Variants in MARCHF1 observed in about 807,000 individuals in gnomAD.
MARCHF1 encodes E3 ubiquitin-protein ligase MARCHF1.
In MARCHF1, 40 loss-of-function variants were observed where a neutral mutation model predicts 54.2. The ratio of observed to expected loss-of-function variants is 0.74; its 90% CI spans 0.57 to 0.96. The LOEUF (loss-of-function observed/expected upper bound fraction) is 0.96, where lower values mean the gene tolerates loss of function less well. MARCHF1 is among the 40% of genes least tolerant of loss of function. The pLI is 0.00. For synonymous variants in MARCHF1, 236 were observed against 236.3 expected (o/e 1.00, Z 0.01); for missense variants, 586 against 656.5 (o/e 0.89, Z 1.17).
At chr4:164,177,592 G>A (rs1730722231) in intron 1 of MARCHF1, among the ~76,000 whole-genome samples, 2 of 151,960 alleles carry the variant, frequency 1.3e-5, no homozygotes, top group Non-Finnish European at 2.9e-5. Flanking sequence ...TTTTAATGGA[G>A]AATGCAGACT....
At chr4:164,324,727 C>T (rs554430093) in intron 1 of MARCHF1, among the ~76,000 whole-genome samples, 7 of 151,164 alleles carry the variant, frequency 4.6e-5, no homozygotes, top group Non-Finnish European at 1.0e-4. Flanking sequence ...GCAAGAGCAA[C>T]AAAAATATAA....
At chr4:163,886,751 G>T (rs559721438) in intron 3 of MARCHF1, among the ~76,000 whole-genome samples, 6 of 152,130 alleles carry the variant, frequency 3.9e-5, no homozygotes, top group Non-Finnish European at 8.8e-5. Context: ...TCTTTCAGAA[G>T]CAGAATACCT....
At chr4:164,241,595 T>C (rs1338640263) in intron 1 of MARCHF1, among the ~76,000 whole-genome samples, 2 of 152,156 alleles carry the variant, frequency 1.3e-5, no homozygotes, top group Non-Finnish European at 2.9e-5. Context: ...CAGAGACATA[T>C]ACTATTATAT....
intron 3 of MARCHF1, among the ~76,000 whole-genome samples, chr4:163,978,201 A>G (rs1319852622): frequency 6.6e-6 from 1 of 152,208 alleles, no homozygotes; most frequent in Admixed American, 6.5e-5. Context: ...GGCAAACTTC[A>G]AATACCAATG....
At chr4:163,868,278 T>C (rs555199705) in intron 3 of MARCHF1, among the ~76,000 whole-genome samples, 4 of 151,966 alleles carry the variant, frequency 2.6e-5, no homozygotes, top group Non-Finnish European at 5.9e-5. Context: ...TATGACCCAA[T>C]GATGAATACT....
intron 5 of MARCHF1, among the ~76,000 whole-genome samples, chr4:163,633,295 T>A (rs1325846083): frequency 6.6e-6 from 1 of 152,114 alleles, no homozygotes; most frequent in South Asian, 2.1e-4. Flanking sequence ...ATCAAATTAC[T>A]CTGAGCTATG....
chr4:164,183,510 T>C (rs974005663), intron 1 of MARCHF1, among the ~76,000 whole-genome samples: 1 of 152,232 alleles, frequency 6.6e-6, no homozygotes, highest in East Asian at 1.9e-4. Context: ...CATCAATCTT[T>C]TCTTTCAATT....
intron 2 of MARCHF1, among the ~76,000 whole-genome samples, chr4:164,050,275 CAAAAAAAAAA>C (rs34642436): frequency 2.0e-4 from 8 of 40,194 alleles, no homozygotes; most frequent in South Asian, 3.6e-3. Context: ...ACACTGTCTC[CAAAAAAAAAA>C]AAAAAAAAAA....
At chr4:164,176,265 T>C (rs1167757850) in intron 1 of MARCHF1, among the ~76,000 whole-genome samples, 1 of 152,216 alleles carries the variant, frequency 6.6e-6, no homozygotes, top group East Asian at 1.9e-4. Context: ...GTAATCATTT[T>C]ATACTTGGTC....
chr4:164,062,262 A>G (rs1754634917), intron 2 of MARCHF1, among the ~76,000 whole-genome samples: 1 of 152,082 alleles, frequency 6.6e-6, no homozygotes, highest in Admixed American at 6.6e-5. Flanking sequence ...TAGTACTCTC[A>G]CTATCTCTAC....
At chr4:164,300,670 AG>A (rs1324323391) in intron 1 of MARCHF1, among the ~76,000 whole-genome samples, 16 of 152,154 alleles carry the variant, frequency 1.1e-4, no homozygotes, top group African/African-American at 3.4e-4. Flanking sequence ...CCCTCCGACT[AG>A]CTGGGCCTAC....
chr4:163,804,951 G>T (rs1425808838), intron 4 of MARCHF1, among the ~76,000 whole-genome samples: 1 of 152,108 alleles, frequency 6.6e-6, no homozygotes, highest in Non-Finnish European at 1.5e-5. Flanking sequence ...ATCTCGAAAT[G>T]AGACTACAAT....
chr4:164,023,954 TA>T (rs1387654051), intron 2 of MARCHF1, among the ~76,000 whole-genome samples: 1 of 152,176 alleles, frequency 6.6e-6, no homozygotes, highest in African/African-American at 2.4e-5. Flanking sequence ...TTTGAAGTAT[TA>T]TTAGCAGAAT....
chr4:163,602,586 C>T (rs1413134982), intron 7 of MARCHF1, among the ~76,000 whole-genome samples: 1 of 152,054 alleles, frequency 6.6e-6, no homozygotes, highest in African/African-American at 2.4e-5. Context: ...TTATTAAAAT[C>T]AACAGGAGAA....
intron 1 of MARCHF1, among the ~76,000 whole-genome samples, chr4:164,114,607 G>T (rs991260875): frequency 6.6e-6 from 1 of 151,256 alleles, no homozygotes; most frequent in African/African-American, 2.4e-5. Context: ...ATTATATTAT[G>T]TTATATTTTG....
chr4:164,194,886 G>C (rs1009582928), intron 1 of MARCHF1, among the ~76,000 whole-genome samples: 7 of 151,994 alleles, frequency 4.6e-5, no homozygotes, highest in African/African-American at 1.7e-4. Context: ...GAGGTTTGCT[G>C]CACCCATCAA....
intron 5 of MARCHF1, among the ~76,000 whole-genome samples, chr4:163,684,295 T>C (rs969349991): frequency 6.6e-6 from 1 of 151,954 alleles, no homozygotes; most frequent in Non-Finnish European, 1.5e-5. Context: ...TAAAAGGAGC[T>C]CTAGAAAAAT....
chr4:163,564,563 G>A (rs1006399678), intron 8 of MARCHF1, among the ~76,000 whole-genome samples: 1 of 152,044 alleles, frequency 6.6e-6, no homozygotes, highest in African/African-American at 2.4e-5. Flanking sequence ...ATCAGTTTCT[G>A]AACAAAAACT....
chr4:163,702,077 G>C (rs550162897), intron 4 of MARCHF1, among the ~76,000 whole-genome samples: 86 of 152,280 alleles, frequency 5.6e-4, no homozygotes, highest in African/African-American at 1.9e-3. Flanking sequence ...TCATGTGCAG[G>C]CTTACAGATA....
Sources: allele counts gnomAD v4.1 joint callset (sites outside exome capture counted in the v4.1 genomes callset), GRCh38; gene constraint gnomAD v4.1.1; transcripts MANE v1.5; gene names NCBI Gene and HGNC (gene_info 2026-07-23, HGNC 2026-07-21).